The following RGS3 variants were observed in gnomAD, a reference collection of about 807,000 sequenced individuals.
RGS3 encodes the protein regulator of G protein signaling 3.
A neutral mutation model predicts 132.6 loss-of-function variants in RGS3; 80 were observed. That is an observed-to-expected ratio of 0.60 (90% confidence interval 0.50 to 0.73). The LOEUF is 0.73. RGS3 is among the 30% of genes least tolerant of loss of function. The probability of loss-of-function intolerance (pLI) is 0.00; values close to 1 mark genes in which losing one functional copy is unlikely to be tolerated. For synonymous variants in RGS3, 598 were observed against 620.6 expected (o/e 0.96, Z 0.54); for missense variants, 1,382 against 1,530.8 (o/e 0.90, Z 1.62).
rs1228247378 is a variant in RGS3 at position 113,497,902 on chromosome 9, AGGCCAGGAGTGGCCCTG to A, written c.842-119_842-103del. 15 of 877,912 alleles carry A rather than the reference AGGCCAGGAGTGGCCCTG, an allele frequency of 1.7e-5. No individual in the cohort carries two copies. The African/African-American group carries it at 2.2e-4, about 13-fold the overall frequency. 54.4% of individuals were successfully genotyped at this position (877,912 alleles called of 1,614,324 possible). A position where few individuals can be genotyped will look rare whatever the true frequency, so the allele number is the denominator to read the frequency against. ...GAGCCTCAGGTGTCCCCACATCCTG[AGGCCAGGAGTGGCCCTG>A]GGCAGCCCCATGGGCCTGTTTCCCA... is the stretch of plus-strand genomic sequence containing the variant. On this transcript the variant is annotated intron_variant, in intron 9 of 24. Coordinates refer to ENST00000350696, the Ensembl canonical transcript of RGS3.
intron 24 of RGS3, 28 bp downstream of exon 22, chr9:113,595,793 C>G: frequency 6.2e-7 from 1 of 1,605,600 alleles, no homozygotes; most frequent in Non-Finnish European, 8.5e-7. Flanking sequence ...ACCCTCCGCT[C>G]CTCCAATCCC....
intron 16 of RGS3, 134 bp downstream of exon 14, chr9:113,517,758 A>G (rs878986955): frequency 1.6e-5 from 10 of 606,754 alleles, no homozygotes; most frequent in Non-Finnish European, 2.5e-5. Context: ...CCTGAGAAGG[A>G]CCCCGCCACT....
At chr9:113,498,921 GAAAAA>G (rs755573432) in intron 10 of RGS3, among the ~76,000 whole-genome samples, 1 of 47,380 alleles carries the variant, frequency 2.1e-5, no homozygotes, top group Non-Finnish European at 4.3e-5. Flanking sequence ...TGTCTCAATT[GAAAAA>G]AAAAAAAAAA....
chr9:113,536,749 C>G (rs748375469), intron 18 of RGS3, 47 bp from the exon 17 acceptor site: 1 of 1,594,888 alleles, frequency 6.3e-7, no homozygotes, highest in Non-Finnish European at 8.6e-7. Flanking sequence ...CCCCCTGAAC[C>G]AGGGAGCAGC....
chr9:113,523,148 G>A (rs945582904), intron 17 of RGS3, 107 bp downstream of exon 15: 20 of 742,200 alleles, frequency 2.7e-5, no homozygotes, highest in Non-Finnish European at 4.6e-5. Context: ...GGGCACTGGA[G>A]TGTGTGCTGC....
intron 10 of RGS3, chr9:113,505,188 C>A (rs1831073305): frequency 1.9e-6 from 1 of 522,160 alleles, no homozygotes; most frequent in African/African-American, 1.9e-5. Flanking sequence ...AAGACCTTGT[C>A]CATCCCAGGC....
chr9:113,586,669 C>T (rs1419856529), intron 20 of RGS3, among the ~76,000 whole-genome samples: 1 of 152,230 alleles, frequency 6.6e-6, no homozygotes, highest in Non-Finnish European at 1.5e-5. Flanking sequence ...TTGCCATTCA[C>T]ATCCTGCCCT....
At chr9:113,471,797 G>C (rs1829842977) in intron 3 of RGS3, among the ~76,000 whole-genome samples, 1 of 152,088 alleles carries the variant, frequency 6.6e-6, no homozygotes, top group Admixed American at 6.5e-5. Flanking sequence ...TCAGTTCCTT[G>C]CTACCTGTAA....
chr9:113,578,854 C>T (rs1834654558), intron 19 of RGS3, among the ~76,000 whole-genome samples: 1 of 152,200 alleles, frequency 6.6e-6, no homozygotes. Context: ...TGCCCTTTCT[C>T]ACTTGGTCCC....
At position 113,543,075 on chromosome 9, in the gene RGS3, G is replaced by A. The variant is rs539969690; in HGVS notation, c.2037+6157G>A. On this transcript the variant is annotated intron_variant, in intron 19 of 24. Transcript: ENST00000350696. ...TATCTAACTGCCAGACCTAGAGGGA[G>A]GGAAGCCCAAGGCTGCAGGTCTGAG... Among the ~76,000 whole-genome samples, 4 of 152,348 alleles carry A rather than the reference G, an allele frequency of 2.6e-5. No homozygotes were observed. The South Asian group carries it at 8.3e-4, about 32-fold the overall frequency.
intron 14 of RGS3, among the ~76,000 whole-genome samples, chr9:113,510,088 CT>C (rs1189888027): frequency 6.6e-6 from 1 of 152,002 alleles, no homozygotes; most frequent in African/African-American, 2.4e-5. Flanking sequence ...TCTCACCCCC[CT>C]CCCATCCTTC....
chr9:113,537,023 C>A lies in RGS3; in HGVS notation c.2037+105C>A. 1.7e-6 allele frequency: 2 copies of A among 1,144,192 alleles called. No individual in the cohort carries two copies. The highest frequency in any genetic ancestry group is 1.2e-6 in the Non-Finnish European group (1 of 803,832). The allele number at this position is 1,144,192 out of a possible 1,614,324, so 70.9% of individuals were successfully genotyped here. On this transcript the variant is annotated intron_variant, in intron 19 of 24. Transcript: ENST00000350696. The surrounding 1 kb of genome is among the most constrained non-coding windows in gnomAD (Gnocchi z 4.3). ...GCTGGGGGCCAGCCTGAGCTTCCAA[C>A]TTGGCTCTGGGCAATGAGCTCTTGG...
chr9:113,541,367 C>A (rs777514156), intron 19 of RGS3: 1 of 1,613,934 alleles, frequency 6.2e-7, no homozygotes, highest in African/African-American at 1.3e-5. Context: ...GGCCGGTCAA[C>A]TCAACCAATG....
intron 16 of RGS3, among the ~76,000 whole-genome samples, chr9:113,518,923 A>G (rs1416248156): frequency 6.6e-6 from 1 of 152,210 alleles, no homozygotes; most frequent in African/African-American, 2.4e-5. Context: ...AGGTGTGGCC[A>G]TAAATTCACA....
intron 1 of RGS3, among the ~76,000 whole-genome samples, chr9:113,453,036 A>G (rs1157195745): frequency 7.6e-6 from 1 of 132,156 alleles, no homozygotes; most frequent in Non-Finnish European, 1.5e-5. Flanking sequence ...AATATATAAT[A>G]TATATAATAT....
At chr9:113,472,893 G>A (rs1829877445) in intron 3 of RGS3, among the ~76,000 whole-genome samples, 1 of 151,888 alleles carries the variant, frequency 6.6e-6, no homozygotes, top group African/African-American at 2.4e-5. Context: ...ACAAAAAATT[G>A]GCCAGGTGTG....
chr9:113,522,146 CT>C (rs1277955006), intron 16 of RGS3: 2 of 152,158 alleles, frequency 1.3e-5, no homozygotes, highest in Non-Finnish European at 2.9e-5. Context: ...TAGCCTCTGC[CT>C]TTATTTTTGG....
At chr9:113,482,956 T>A in intron 4 of RGS3, 103 bp from the exon 3 acceptor site, 1 of 1,593,188 alleles carries the variant, frequency 6.3e-7, no homozygotes. Context: ...TTTTCAGGTC[T>A]CTTTATTCGT....
In RGS3 at chr9:113,463,587, T is replaced by C; in HGVS notation, c.415+1386T>C. 10 of 536,290 alleles carry C rather than the reference T, an allele frequency of 1.9e-5. No homozygotes were observed. Among genetic ancestry groups the C allele is most frequent in the East Asian group, 8.3e-5 (1 of 12,120 alleles). 33.2% of individuals were successfully genotyped at this position (536,290 alleles called of 1,614,324 possible). ...CTCAGCGCGGGTCGGCGGCGCCGCC[T>C]CCCCCACCCCGGCCCAGCTCTGCTC... is the stretch of plus-strand genomic sequence containing the variant. On this transcript the variant is annotated intron_variant, in intron 3 of 24. Transcript: ENST00000350696. This position sits in a 1 kb window ranked among gnomAD's most constrained non-coding sequence, Gnocchi z 4.6.
Sources: allele counts gnomAD v4.1 joint callset (sites outside exome capture counted in the v4.1 genomes callset), GRCh38; gene constraint gnomAD v4.1.1; non-coding constraint Gnocchi (gnomAD v3.1); transcripts MANE v1.5; gene names NCBI Gene and HGNC (gene_info 2026-07-23, HGNC 2026-07-21).